Variants in SRFBP1 observed in about 807,000 individuals in gnomAD.
SRFBP1 encodes the protein serum response factor-binding protein 1.
In SRFBP1, 47 loss-of-function variants were observed where a neutral mutation model predicts 45.5. The ratio of observed to expected loss-of-function variants is 1.03; its 90% CI spans 0.82 to 1.32. The LOEUF (loss-of-function observed/expected upper bound fraction) is 1.32. Among genes scored for constraint, SRFBP1 ranks in the 40% most tolerant of loss-of-function variants. SRFBP1 has a pLI of 0.00. For missense variants in SRFBP1, 621 were observed against 484.6 expected (o/e 1.28, Z -2.64); for synonymous variants, 203 against 166.3 (o/e 1.22, Z -1.70).
intron 2 of SRFBP1, among the ~76,000 whole-genome samples, chr5:122,042,313 G>T (rs1391207117): frequency 1.3e-5 from 2 of 152,024 alleles, no homozygotes; most frequent in African/African-American, 2.4e-5. Flanking sequence ...GTGTCACCCA[G>T]GTGAGTGCTA....
At chr5:121,981,214 T>C (rs1359591426) in intron 3 of SRFBP1, among the ~76,000 whole-genome samples, 1 of 151,802 alleles carries the variant, frequency 6.6e-6, no homozygotes, top group African/African-American at 2.4e-5. Context: ...AAAATTTCGA[T>C]TTTAGGAAGA....
At chr5:122,003,478 T>G (rs1278467908) in intron 4 of SRFBP1, among the ~76,000 whole-genome samples, 1 of 152,250 alleles carries the variant, frequency 6.6e-6, no homozygotes, top group Non-Finnish European at 1.5e-5. Flanking sequence ...TATATTTGTT[T>G]TTATTTTTTG....
chr5:122,054,847 C>T (rs1000121769), intron 2 of SRFBP1, among the ~76,000 whole-genome samples: 1 of 152,130 alleles, frequency 6.6e-6, no homozygotes, highest in Non-Finnish European at 1.5e-5. Context: ...AAATAGAACA[C>T]ACCTTTTCAT....
In SRFBP1 at chr5:122,046,195, C is replaced by T. The variant is rs112482981; in HGVS notation, n.311+23788C>T. ...TATATCTCCTAATGCTATCCCTCCA[C>T]CCCCCCTCACCCCACAACAGGCCCC... On this transcript the variant is annotated intron_variant and non_coding_transcript_variant, in intron 2 of 2. Transcript: ENST00000504881. Among the ~76,000 whole-genome samples, 912 of 151,830 alleles carry T rather than the reference C, an allele frequency of 6.0e-3. 16 individuals are homozygous for T. The highest frequency in any genetic ancestry group is 0.021 in the African/African-American group (874 of 41,426).
chr5:122,046,945 A>C (rs1032842342), intron 2 of SRFBP1, among the ~76,000 whole-genome samples: 4 of 152,180 alleles, frequency 2.6e-5, no homozygotes, highest in African/African-American at 9.7e-5. Context: ...TCTGGATATT[A>C]GCCCTTTGTC....
intron 3 of SRFBP1, among the ~76,000 whole-genome samples, chr5:121,977,050 G>T (rs1752316700): frequency 6.6e-6 from 1 of 151,808 alleles, no homozygotes; most frequent in East Asian, 1.9e-4. Flanking sequence ...TGTCCTTTTT[G>T]ATCTAAATGT....
intron 2 of SRFBP1, among the ~76,000 whole-genome samples, chr5:122,062,170 T>C (rs1438823387): frequency 6.6e-6 from 1 of 151,958 alleles, no homozygotes; most frequent in Non-Finnish European, 1.5e-5. Context: ...ACTTACTTAA[T>C]ATTGGATTCT....
chr5:122,037,230 G>C (rs74599443), intron 2 of SRFBP1, among the ~76,000 whole-genome samples: 6,731 of 152,182 alleles, frequency 0.044, 174 homozygotes, highest in African/African-American at 0.06. Context: ...TGAGCCTCAG[G>C]GTGGTCTTAG....
At chr5:121,974,115 T>C in intron 1 of SRFBP1, 81 bp from the exon 2 acceptor site, 1 of 955,910 alleles carries the variant, frequency 1.0e-6, no homozygotes, top group Non-Finnish European at 1.6e-6. Flanking sequence ...AGACTAAGTC[T>C]CAAATATTAA....
intron 1 of SRFBP1, among the ~76,000 whole-genome samples, chr5:121,964,885 C>G (rs1162143436): frequency 6.6e-6 from 1 of 152,176 alleles, no homozygotes; most frequent in Admixed American, 6.5e-5. Flanking sequence ...GATCGCCATT[C>G]TAACTGGCAT....
intron 1 of SRFBP1, among the ~76,000 whole-genome samples, chr5:121,973,673 T>C (rs1028162849): frequency 6.6e-6 from 1 of 151,742 alleles, no homozygotes; most frequent in Non-Finnish European, 1.5e-5. Flanking sequence ...CCCTTGTGTT[T>C]GTGGATCTTC....
intron 2 of SRFBP1, among the ~76,000 whole-genome samples, chr5:122,044,529 CT>C (rs1753824277): frequency 1.3e-5 from 2 of 149,660 alleles, no homozygotes; most frequent in Non-Finnish European, 3.0e-5. Context: ...TTTTTTTTTA[CT>C]TTTTAATAAT....
chr5:121,975,922 GTCT>G (rs1338730651), intron 3 of SRFBP1, among the ~76,000 whole-genome samples: 1 of 151,406 alleles, frequency 6.6e-6, no homozygotes, highest in African/African-American at 2.4e-5. Context: ...TAATTTTTAG[GTCT>G]TCTTGCTGCT....
intron 3 of SRFBP1, among the ~76,000 whole-genome samples, chr5:121,992,395 G>A (rs1752637335): frequency 6.6e-6 from 1 of 151,730 alleles, no homozygotes. Flanking sequence ...TGTTGTTGTT[G>A]TTGTTTTGTT....
intron 4 of SRFBP1, among the ~76,000 whole-genome samples, chr5:122,018,102 G>A (rs116803335): frequency 5.9e-5 from 9 of 152,214 alleles, no homozygotes; most frequent in African/African-American, 1.9e-4. Context: ...ATGATCAGCC[G>A]TGTATATATT....
chr5:122,076,879 A>T (rs201820359), downstream of SRFBP1: 11 of 1,612,602 alleles, frequency 6.8e-6, no homozygotes, highest in East Asian at 2.2e-4. Context: ...GGCCTCAGAC[A>T]TATCAGCCCG....
intron 3 of SRFBP1, among the ~76,000 whole-genome samples, chr5:121,988,557 G>A (rs1477996108): frequency 6.6e-6 from 1 of 152,208 alleles, no homozygotes; most frequent in African/African-American, 2.4e-5. Context: ...TGTTCAAAGT[G>A]TTGTCAACCA....
At chr5:122,053,590 T>C (rs1484580787) in intron 2 of SRFBP1, among the ~76,000 whole-genome samples, 1 of 150,900 alleles carries the variant, frequency 6.6e-6, no homozygotes, top group Non-Finnish European at 1.5e-5. Context: ...CCTGGGGCAA[T>C]AGGAGGCTGC....
chr5:122,016,377 C>T (rs1222183572), intron 4 of SRFBP1, among the ~76,000 whole-genome samples: 1 of 152,088 alleles, frequency 6.6e-6, no homozygotes, highest in East Asian at 1.9e-4. Flanking sequence ...TTTTCTTCTT[C>T]CCTAGGTTGG....
Sources: gnomAD v4.1 joint callset for allele counts (sites outside exome capture counted in the v4.1 genomes callset) on GRCh38, gnomAD v4.1.1 for gene constraint, MANE v1.5 for transcripts, NCBI Gene and HGNC (gene_info 2026-07-23, HGNC 2026-07-21) for gene names.